Variants in PPM1L observed in about 807,000 individuals in gnomAD.
PPM1L encodes the protein protein phosphatase, Mg2+/Mn2+ dependent 1L.
A neutral mutation model predicts 31.4 loss-of-function variants in PPM1L; 13 were observed. The observed-to-expected ratio is 0.41, with a 90% confidence interval of 0.27 to 0.66. The LOEUF (loss-of-function observed/expected upper bound fraction) is 0.66. Ranked by LOEUF, PPM1L falls within the 30% of genes least tolerant of loss-of-function variation. The pLI is 0.29. For missense variants in PPM1L, 326 were observed against 453.7 expected, an observed-to-expected ratio of 0.72 and a Z score of 2.56; for synonymous variants, 184 against 175.4, an observed-to-expected ratio of 1.05 and a Z score of -0.39.
intron 1 of PPM1L, among the ~76,000 whole-genome samples, chr3:160,860,661 G>A (rs1711854779): frequency 6.6e-6 from 1 of 152,296 alleles, no homozygotes; most frequent in South Asian, 2.1e-4. Context: ...CTTAGGTTGG[G>A]CTGCTATAAT....
chr3:160,961,278 C>T (rs961052174), intron 1 of PPM1L, among the ~76,000 whole-genome samples: 2 of 152,056 alleles, frequency 1.3e-5, no homozygotes, highest in African/African-American at 2.4e-5. Flanking sequence ...ATTCACTTTA[C>T]AAGAGTTCTT....
rs1491089770 is a variant in PPM1L, at chr3:160,944,747, AAT to A, written c.400-16982_400-16981del. ...ATATATAACATGTTATATATTATAT[AAT>A]ATATATGTTATATATAACATGTTAT... On this transcript the variant is annotated intron_variant, in intron 1 of 3. Transcript: ENST00000498165. 8.1e-4 allele frequency among the ~76,000 whole-genome samples: 78 copies of A among 95,846 alleles called. 20 individuals carry two copies. The highest frequency in any genetic ancestry group is 5.9e-3 in the Middle Eastern group (1 of 170). 62.9% of individuals were successfully genotyped at this position (95,846 alleles called of 152,430 possible).
intron 1 of PPM1L, among the ~76,000 whole-genome samples, chr3:160,822,797 A>G (rs963359834): frequency 6.6e-6 from 1 of 152,124 alleles, no homozygotes; most frequent in East Asian, 1.9e-4. Flanking sequence ...TTATTTAACA[A>G]ATAGTGGAGT....
At chr3:160,853,074 T>A (rs777984597) in intron 1 of PPM1L, among the ~76,000 whole-genome samples, 10 of 152,184 alleles carry the variant, frequency 6.6e-5, no homozygotes, top group Non-Finnish European at 1.5e-4. Flanking sequence ...TGGCATTCCT[T>A]GGCTTGTGGT....
At position 161,067,451 on chromosome 3, in the gene PPM1L, T is replaced by A. The variant is rs552329132; in HGVS notation, c.737-1360T>A. On this transcript the variant is annotated intron_variant, in intron 3 of 3. Transcript: ENST00000498165. Reference sequence around the variant, plus strand: ...ACATCTTTCCCCCTCCTGCTTAGCATGACAGTAAGGTCCAGCCAGTCTGGG... The same window carrying A: ...ACATCTTTCCCCCTCCTGCTTAGCAAGACAGTAAGGTCCAGCCAGTCTGGG... Among the ~76,000 whole-genome samples, 17 of 152,348 alleles carry A rather than the reference T, an allele frequency of 1.1e-4. No homozygotes were observed. In the East Asian group the frequency reaches 2.9e-3, roughly 26 times the overall value.
rs140150270 is a variant in PPM1L at position 160,814,673 on chromosome 3, A to G, written c.399+57966A>G. On this transcript the variant is annotated intron_variant, in intron 1 of 3. Transcript: ENST00000498165. The stretch of plus-strand genomic sequence containing the variant: ...TATATATACACACACGGTATATACC[A>G]TATATATGGTATATACCATACGTAT... Among the ~76,000 whole-genome samples, 640 of 149,908 alleles carry G rather than the reference A, an allele frequency of 4.3e-3. 8 individuals are homozygous for G. The highest frequency in any genetic ancestry group is 5.9e-3 in the Non-Finnish European group (401 of 67,626).
intron 2 of PPM1L, among the ~76,000 whole-genome samples, chr3:160,965,424 T>C (rs962165654): frequency 6.6e-6 from 1 of 152,068 alleles, no homozygotes; most frequent in Non-Finnish European, 1.5e-5. Flanking sequence ...ATTCTGTTTT[T>C]CATTTTCAGT....
At chr3:160,923,909 T>C (rs1714502151) in intron 1 of PPM1L, among the ~76,000 whole-genome samples, 1 of 152,208 alleles carries the variant, frequency 6.6e-6, no homozygotes, top group Non-Finnish European at 1.5e-5. Context: ...ATTTTTCTTC[T>C]CAGGGGAAGC....
At chr3:160,960,414 C>G (rs977014507) in intron 1 of PPM1L, among the ~76,000 whole-genome samples, 4 of 152,106 alleles carry the variant, frequency 2.6e-5, no homozygotes, top group Admixed American at 2.0e-4. Context: ...CGACACCTTA[C>G]TGATAACCAT....
intron 2 of PPM1L, among the ~76,000 whole-genome samples, chr3:161,052,852 CTG>C (rs1163287811): frequency 6.6e-6 from 1 of 152,336 alleles, no homozygotes; most frequent in East Asian, 1.9e-4. Flanking sequence ...ATGCTTCAGA[CTG>C]TGCCTCTCAT....
chr3:160,911,353 A>G (rs752009175), intron 1 of PPM1L, among the ~76,000 whole-genome samples: 7 of 152,160 alleles, frequency 4.6e-5, no homozygotes, highest in African/African-American at 7.2e-5. Flanking sequence ...CAGGTCACCA[A>G]TCCTCAACCA....
At chr3:160,808,417 G>GTGTGCGTGCT in intron 1 of PPM1L, among the ~76,000 whole-genome samples, 1 of 134,916 alleles carries the variant, frequency 7.4e-6, no homozygotes, top group African/African-American at 2.9e-5. Context: ...GTGTGTGTGT[G>GTGTGCGTGCT]TGTGTGGTGG....
At chr3:160,847,585 G>A (rs146719529) in intron 1 of PPM1L, among the ~76,000 whole-genome samples, 182 of 152,230 alleles carry the variant, frequency 1.2e-3, no homozygotes, top group African/African-American at 3.8e-3. Context: ...TTTGCCAGTA[G>A]TGATGCTGCC....
intron 1 of PPM1L, among the ~76,000 whole-genome samples, chr3:160,884,615 G>GTA (rs1245167306): frequency 6.6e-6 from 1 of 152,148 alleles, no homozygotes; most frequent in African/African-American, 2.4e-5. Flanking sequence ...TTGTACTTGA[G>GTA]TAGAATTTAG....
intron 1 of PPM1L, among the ~76,000 whole-genome samples, chr3:160,802,192 A>G (rs1456563140): frequency 1.3e-5 from 2 of 152,180 alleles, no homozygotes; most frequent in African/African-American, 4.8e-5. Flanking sequence ...TGTTTCAGAA[A>G]GCTGTAGTTT....
chr3:160,811,852 C>A (rs1287986026), intron 1 of PPM1L, among the ~76,000 whole-genome samples: 2 of 152,172 alleles, frequency 1.3e-5, no homozygotes, highest in African/African-American at 4.8e-5. Context: ...AGTAGACCAC[C>A]TATAAAGCCT....
At chr3:161,015,828 G>A (rs1416667070) in intron 2 of PPM1L, among the ~76,000 whole-genome samples, 1 of 152,158 alleles carries the variant, frequency 6.6e-6, no homozygotes, top group Non-Finnish European at 1.5e-5. Flanking sequence ...CATGGCATTT[G>A]TATTTATTAG....
At chr3:160,844,884 A>G (rs1036471818) in intron 1 of PPM1L, among the ~76,000 whole-genome samples, 6 of 152,072 alleles carry the variant, frequency 3.9e-5, no homozygotes, top group Non-Finnish European at 8.8e-5. Context: ...TGTACCCATT[A>G]GCAATTATGC....
At chr3:160,998,571 T>C (rs910922690) in intron 2 of PPM1L, among the ~76,000 whole-genome samples, 2 of 152,088 alleles carry the variant, frequency 1.3e-5, no homozygotes, top group African/African-American at 4.8e-5. Flanking sequence ...CTGAGGGAGA[T>C]TTTTGACAGG....
Sources: allele counts gnomAD v4.1 joint callset (sites outside exome capture counted in the v4.1 genomes callset), GRCh38; gene constraint gnomAD v4.1.1; transcripts MANE v1.5; gene names NCBI Gene and HGNC (gene_info 2026-07-23, HGNC 2026-07-21).